IFNGR2: variants seen among roughly 807,000 people sequenced by gnomAD.
The protein encoded by IFNGR2 is IFN-gamma receptor 2.
A neutral mutation model predicts 41.1 loss-of-function variants in IFNGR2; 15 were observed. The ratio of observed to expected loss-of-function variants is 0.37; its 90% CI spans 0.24 to 0.56. The LOEUF is 0.56. Among genes scored for constraint, IFNGR2 ranks in the 20% least tolerant of loss-of-function variants. The pLI is 0.81. For missense variants in IFNGR2, 362 were observed against 415.7 expected (o/e 0.87, Z 1.12); for synonymous variants, 161 against 171.6 (o/e 0.94, Z 0.48).
chr21:33,423,872 G>C (rs1044123138), intron 3 of IFNGR2, among the ~76,000 whole-genome samples: 1 of 150,766 alleles, frequency 6.6e-6, no homozygotes, highest in African/African-American at 2.4e-5. Context: ...GGTACTGTGA[G>C]GGACAGAAAC....
chr21:33,426,282 G>T (rs1051702143), intron 3 of IFNGR2, among the ~76,000 whole-genome samples: 1 of 151,896 alleles, frequency 6.6e-6, no homozygotes, highest in African/African-American at 2.4e-5. Context: ...GTATGGTGGC[G>T]TGTGCCTGTA....
chr21:33,432,403 G>A (rs2083897881), intron 5 of IFNGR2, 67 bp downstream of exon 5: 2 of 1,478,430 alleles, frequency 1.4e-6, no homozygotes, highest in Non-Finnish European at 1.9e-6. Context: ...GTGAAATCGG[G>A]GAATGCTTAT....
chr21:33,424,285 A>G (rs1011741097), intron 3 of IFNGR2, among the ~76,000 whole-genome samples: 6 of 151,762 alleles, frequency 4.0e-5, no homozygotes, highest in African/African-American at 1.2e-4. Flanking sequence ...TGGGTGACAG[A>G]GCGAGGCTCT....
At chr21:33,403,302 G>T (rs2083653312), upstream of IFNGR2, 1 of 161,736 alleles carries the variant, frequency 6.2e-6, no homozygotes, top group South Asian at 1.9e-4. Context: ...CAGGGCCGCG[G>T]TTCCCGGAGC....
intron 6 of IFNGR2, among the ~76,000 whole-genome samples, chr21:33,434,126 G>C (rs1191542186): frequency 6.6e-6 from 1 of 152,186 alleles, no homozygotes; most frequent in East Asian, 1.9e-4. Context: ...TTATTTTCCT[G>C]CATAACCCCA....
chr21:33,433,323 T>C (rs2083908737), intron 6 of IFNGR2, among the ~76,000 whole-genome samples: 1 of 152,200 alleles, frequency 6.6e-6, no homozygotes, highest in African/African-American at 2.4e-5. Context: ...CATGTTCATG[T>C]TGACACGATT....
rs17883129 is a variant in IFNGR2 at position 33,432,890 on chromosome 21, C to T, written c.879+19C>T. On this transcript the variant is annotated intron_variant, in intron 6 of 6. Coordinates refer to ENST00000290219, the MANE Select transcript of IFNGR2 (RefSeq NM_005534.4). Reference sequence around the variant, plus strand: ...AGAAGAGGTACGTGTGCACACATCTCTTTTTTTTTTTTTGAGACAGGGTCT... The same window carrying T: ...AGAAGAGGTACGTGTGCACACATCTTTTTTTTTTTTTTTGAGACAGGGTCT... 442,581 of 1,465,184 alleles carry T rather than the reference C, an allele frequency of 0.3. 26,315 individuals are homozygous for T. Among genetic ancestry groups the T allele is most frequent in the Admixed American group, 0.37 (20,202 of 54,438 alleles). The allele number at this position is 1,465,184 out of a possible 1,614,324, so 90.8% of individuals were successfully genotyped here. A position where few individuals can be genotyped will look rare whatever the true frequency, so the allele number is the denominator to read the frequency against.
At chr21:33,422,904 C>G (rs961702677) in intron 3 of IFNGR2, among the ~76,000 whole-genome samples, 33 of 119,632 alleles carry the variant, frequency 2.8e-4, no homozygotes, top group African/African-American at 1.0e-3. Context: ...AAAAAAAAAG[C>G]AAAATAATCC....
intron 4 of IFNGR2, among the ~76,000 whole-genome samples, chr21:33,430,512 A>T (rs1168205857): frequency 6.6e-6 from 1 of 152,210 alleles, no homozygotes. Flanking sequence ...GTGCAGTCAT[A>T]GCTCACTGTA....
chr21:33,414,866 C>CT, intron 1 of IFNGR2, 22 bp from the exon 2 acceptor site: 1 of 1,605,140 alleles, frequency 6.2e-7, no homozygotes, highest in Non-Finnish European at 8.5e-7. Context: ...CCTCCCTCTT[C>CT]TTTTTCTCTG....
In IFNGR2 at chr21:33,427,482, C is replaced by T. The variant is rs116728278; in HGVS notation, c.561+450C>T. Among the ~76,000 whole-genome samples, 925 of 152,254 alleles carry T rather than the reference C, an allele frequency of 6.1e-3. 5 individuals carry two copies. The highest frequency in any genetic ancestry group is 0.021 in the African/African-American group (881 of 41,550). On this transcript the variant is annotated intron_variant, in intron 4 of 6. Transcript: ENST00000290219. Reference sequence around the variant, plus strand: ...GGAAACAGAGGGAGAAAGAGCTTTCCAGAGAGCAGTACCAGCAGGTATGAG... The same window carrying T: ...GGAAACAGAGGGAGAAAGAGCTTTCTAGAGAGCAGTACCAGCAGGTATGAG...
intron 1 of IFNGR2, among the ~76,000 whole-genome samples, chr21:33,414,114 T>C (rs1213580502): frequency 6.6e-6 from 1 of 152,176 alleles, no homozygotes; most frequent in African/African-American, 2.4e-5. Context: ...ATTATAGGTG[T>C]GAGCCACTGA....
At chr21:33,408,340 T>A (rs569054582) in intron 1 of IFNGR2, among the ~76,000 whole-genome samples, 1 of 152,052 alleles carries the variant, frequency 6.6e-6, no homozygotes, top group East Asian at 1.9e-4. Flanking sequence ...GTGATTACAG[T>A]ATGCACCACC....
At chr21:33,407,988 C>G (rs1015387265) in intron 1 of IFNGR2, among the ~76,000 whole-genome samples, 10 of 151,896 alleles carry the variant, frequency 6.6e-5, no homozygotes, top group African/African-American at 2.4e-4. Flanking sequence ...CTTTTTATTT[C>G]TCATCTGCAA....
At chr21:33,422,163 G>C (rs1454902943) in intron 3 of IFNGR2, among the ~76,000 whole-genome samples, 1 of 152,242 alleles carries the variant, frequency 6.6e-6, no homozygotes, top group African/African-American at 2.4e-5. Flanking sequence ...TAGGCACCTT[G>C]AATGGTGCCT....
Position 33,413,282 on chromosome 21 carries a change from C to T in IFNGR2, c.74-1606C>T, listed in dbSNP as rs541572421. On this transcript the variant is annotated intron_variant, in intron 1 of 6. Transcript: ENST00000290219. ...CCACGCAGCTTTACCTGTCTGCCTT[C>T]GGCCCAGGATGTCATGAGGCCTGCT... Among the ~76,000 whole-genome samples the T allele has an allele frequency of 6.6e-5, 10 of 152,298 alleles. No individual in the cohort carries two copies. In the South Asian group the frequency reaches 1.7e-3, roughly 25 times the overall value.
At chr21:33,408,748 C>T (rs1394023611) in intron 1 of IFNGR2, among the ~76,000 whole-genome samples, 5 of 152,122 alleles carry the variant, frequency 3.3e-5, no homozygotes, top group Admixed American at 3.3e-4. Flanking sequence ...CACTATGTGC[C>T]ATGATTTTTC....
chr21:33,424,546 A>G (rs2083820070), intron 3 of IFNGR2, among the ~76,000 whole-genome samples: 2 of 152,088 alleles, frequency 1.3e-5, no homozygotes, highest in Admixed American at 1.3e-4. Flanking sequence ...TGGCGTTAGA[A>G]TCAGTAATGG....
At chr21:33,405,361 C>T (rs941492632) in intron 1 of IFNGR2, among the ~76,000 whole-genome samples, 1 of 152,168 alleles carries the variant, frequency 6.6e-6, no homozygotes, top group Non-Finnish European at 1.5e-5. Context: ...GTGCCTTGCA[C>T]TTGAGGAAAT....
Sources: gnomAD v4.1 joint callset for allele counts (sites outside exome capture counted in the v4.1 genomes callset) on GRCh38, gnomAD v4.1.1 for gene constraint, MANE v1.5 for transcripts, NCBI Gene and HGNC (gene_info 2026-07-23, HGNC 2026-07-21) for gene names.